FHOD3: variants seen among roughly 807,000 people sequenced by gnomAD.
FHOD3 encodes FH1/FH2 domain-containing protein 3.
FHOD3 carries 90 observed loss-of-function variants against 173.0 expected under a neutral mutation model. The observed-to-expected ratio is 0.52, with a 90% CI of 0.44 to 0.62. The LOEUF is 0.62. FHOD3 is among the 20% of genes least tolerant of loss of function. FHOD3 has a pLI of 0.00. For missense variants in FHOD3, 1,945 were observed against 2,034.7 expected (o/e 0.96, Z 0.85); for synonymous variants, 828 against 823.0 (o/e 1.01, Z -0.10).
intron 18 of FHOD3, among the ~76,000 whole-genome samples, chr18:36,717,610 G>A (rs1046512939): frequency 3.9e-5 from 6 of 152,108 alleles, no homozygotes; most frequent in Admixed American, 1.3e-4. Flanking sequence ...CAGGAGCAGC[G>A]TCATGCCTGG....
rs1202251220 is a variant in FHOD3 at position 36,482,822 on chromosome 18, A to AACAC, written c.338-19089_338-19086dup. 5.8e-3 allele frequency among the ~76,000 whole-genome samples: 533 copies of AACAC among 92,510 alleles called. 5 individuals carry two copies. Among genetic ancestry groups the AACAC allele is most frequent in the East Asian group, 0.033 (75 of 2,296 alleles). 60.7% of individuals were successfully genotyped at this position (92,510 alleles called of 152,430 possible). Reference sequence around the variant, plus strand: ...CTATTCCGAGATCATCCGGTGAACAAACACACACACACACACACACACACT... The same window carrying AACAC: ...CTATTCCGAGATCATCCGGTGAACAAACACACACACACACACACACACACACACT... On this transcript the variant is annotated intron_variant, in intron 3 of 28. Coordinates refer to ENST00000590592, the MANE Select transcript of FHOD3 (RefSeq NM_001281740.3).
Position 36,652,714 on chromosome 18 carries a change from G to C in FHOD3, c.1431G>C (p.Gly477=). 1.3e-6 allele frequency: 2 copies of C among 1,535,718 alleles called. No individual in the cohort carries two copies. The highest frequency in any genetic ancestry group is 1.7e-6 in the Non-Finnish European group (2 of 1,146,666). Residue 477 remains glycine (G), a synonymous_variant, in exon 12 of 29, where the codon GGG becomes GGC. Transcript: ENST00000590592. ...CAGGCGGGACCACCTGGCACAGTGGGTCCTCTGGGTCTGAGGCCACCCCAT... is the reference window on the plus strand; with the variant it reads ...CAGGCGGGACCACCTGGCACAGTGGCTCCTCTGGGTCTGAGGCCACCCCAT... ...GTAGGTTWHS[G]SSGSEATPSA... is the part of the protein sequence containing the mutation.
chr18:36,762,258 A>G (rs1255330559), intron 27 of FHOD3, among the ~76,000 whole-genome samples: 5 of 152,232 alleles, frequency 3.3e-5, no homozygotes, highest in African/African-American at 1.2e-4. Flanking sequence ...CACACCACGC[A>G]TGTGGCTGAT....
At chr18:36,459,905 T>G (rs904063912) in intron 3 of FHOD3, among the ~76,000 whole-genome samples, 5 of 152,166 alleles carry the variant, frequency 3.3e-5, no homozygotes, top group Admixed American at 3.3e-4. Flanking sequence ...GACCCCACAT[T>G]ACAATGAGTT....
intron 9 of FHOD3, among the ~76,000 whole-genome samples, chr18:36,619,991 A>G (rs760753885): frequency 2.0e-5 from 3 of 152,128 alleles, no homozygotes; most frequent in Non-Finnish European, 4.4e-5. Context: ...GGACATTGAG[A>G]TCCCATGAGG....
rs142187671 is a variant in FHOD3, at chr18:36,455,504, T to C, written c.338-46428T>C. 3.8e-3 allele frequency among the ~76,000 whole-genome samples: 579 copies of C among 152,280 alleles called. 5 individuals are homozygous for C. Among genetic ancestry groups the C allele is most frequent in the African/African-American group, 0.012 (499 of 41,554 alleles). Reference sequence around the variant, plus strand: ...ATGATTCTTTCAAAAGAGAACTTTTTAGCACAATTTTATTAGGAGAGATTT... The same window carrying C: ...ATGATTCTTTCAAAAGAGAACTTTTCAGCACAATTTTATTAGGAGAGATTT... On this transcript the variant is annotated intron_variant, in intron 3 of 28. Transcript: ENST00000590592.
At position 36,653,351 on chromosome 18, in the gene FHOD3, TTCTTTC is replaced by T. The variant is rs1392391277; in HGVS notation, c.1662_1667del (p.Phe554_Ser555del). On this transcript the variant is annotated inframe_deletion, in exon 13 of 29. Coordinates refer to ENST00000590592, the MANE Select transcript of FHOD3 (RefSeq NM_001281740.3). ...TTTCTTCCTTTGACAGTTCCTCTGA[TTCTTTC>T]TCTTTGAGCACATATTCTGCCTCTG... 1 of 1,534,948 alleles carries T rather than the reference TTCTTTC, an allele frequency of 6.5e-7. No individual in the cohort carries two copies. The highest frequency in any genetic ancestry group is 8.7e-7 in the Non-Finnish European group (1 of 1,146,428).
chr18:36,568,326 C>CAAAAAAAA (rs71168234), intron 5 of FHOD3, among the ~76,000 whole-genome samples: 2 of 24,046 alleles, frequency 8.3e-5, no homozygotes, highest in East Asian at 1.4e-3. Flanking sequence ...GACTCTGTCT[C>CAAAAAAAA]AAAAAAAAAA....
At chr18:36,646,321 A>T (rs2035680378) in intron 10 of FHOD3, among the ~76,000 whole-genome samples, 1 of 152,210 alleles carries the variant, frequency 6.6e-6, no homozygotes, top group Non-Finnish European at 1.5e-5. Flanking sequence ...AAAAATAAAG[A>T]TATCTAAGAC....
intron 28 of FHOD3, among the ~76,000 whole-genome samples, chr18:36,775,437 G>A (rs117026200): frequency 0.024 from 3,673 of 152,220 alleles, 60 homozygotes; most frequent in Non-Finnish European, 0.034. Flanking sequence ...ATCCAAAGTC[G>A]GCTCAAACCC....
In FHOD3 at chr18:36,709,242, C is replaced by G; in HGVS notation, c.2384C>G (p.Pro795Arg). The G allele has an allele frequency of 6.2e-7, 1 of 1,614,040 alleles. No individual in the cohort carries two copies. The highest frequency in any genetic ancestry group is 8.5e-7 in the Non-Finnish European group (1 of 1,180,002). ...GTGGAGCAGGCACTAGAGCAAGAGC[C>G]GGAAGAAAGAGCCTCCCTCAGTGAA... Reference protein sequence around the residue: ...TEVEQALEQEPEERASLSEKE... With the variant: ...TEVEQALEQEREERASLSEKE... The change falls in exon 18 of 29, where the codon CCG (proline) becomes CGG (arginine). Residue 795 changes from proline to arginine, a missense_variant. Coordinates refer to ENST00000590592, the MANE Select transcript of FHOD3 (RefSeq NM_001281740.3).
At chr18:36,339,208 G>C (rs1387225271) in intron 1 of FHOD3, among the ~76,000 whole-genome samples, 1 of 152,160 alleles carries the variant, frequency 6.6e-6, no homozygotes, top group Non-Finnish European at 1.5e-5. Flanking sequence ...CTCCCAGGAG[G>C]TTGATGGAGG....
chr18:36,524,320 T>C (rs903373942), intron 5 of FHOD3, among the ~76,000 whole-genome samples: 2 of 147,912 alleles, frequency 1.4e-5, no homozygotes, highest in African/African-American at 5.0e-5. Context: ...TTGATGCGGG[T>C]GACTAGCATT....
At chr18:36,773,276 C>T (rs1321952453) in intron 28 of FHOD3, among the ~76,000 whole-genome samples, 1 of 152,188 alleles carries the variant, frequency 6.6e-6, no homozygotes, top group African/African-American at 2.4e-5. Context: ...CAGTGTCCGC[C>T]TGAGTGCCAG....
chr18:36,299,811 C>A (rs747609898), intron 1 of FHOD3, among the ~76,000 whole-genome samples: 11 of 152,176 alleles, frequency 7.2e-5, no homozygotes, highest in South Asian at 2.1e-4. Flanking sequence ...GGGGGCCAGC[C>A]AGCCTCAGTC....
intron 4 of FHOD3, among the ~76,000 whole-genome samples, chr18:36,503,495 A>G (rs937142305): frequency 6.6e-6 from 1 of 152,186 alleles, no homozygotes; most frequent in Non-Finnish European, 1.5e-5. Flanking sequence ...GTGTTCAATC[A>G]TACCACGGAG....
At chr18:36,763,237 C>T (rs150522906) in intron 27 of FHOD3, among the ~76,000 whole-genome samples, 1,867 of 142,476 alleles carry the variant, frequency 0.013, 48 homozygotes, top group African/African-American at 0.045. Context: ...ATACAATATG[C>T]GTATTATACA....
chr18:36,742,958 T>A, intron 22 of FHOD3, 102 bp downstream of exon 22: 3 of 1,430,766 alleles, frequency 2.1e-6, no homozygotes, highest in Non-Finnish European at 2.8e-6. Context: ...CAAAGCACAG[T>A]GGAACAAATG....
intron 3 of FHOD3, among the ~76,000 whole-genome samples, chr18:36,383,761 G>C (rs1182197487): frequency 1.3e-5 from 2 of 152,324 alleles, no homozygotes; most frequent in African/African-American, 2.4e-5. Flanking sequence ...CCACTTAATA[G>C]AGGAGAAAAC....
Sources: gnomAD v4.1 joint callset for allele counts (sites outside exome capture counted in the v4.1 genomes callset) on GRCh38, gnomAD v4.1.1 for gene constraint, MANE v1.5 for transcripts, NCBI Gene and HGNC (gene_info 2026-07-23, HGNC 2026-07-21) for gene names.